Variants in LRRIQ1 observed in about 807,000 individuals in gnomAD.
The protein encoded by LRRIQ1 is leucine-rich repeat- and IQ domain-containing protein 1.
Under a neutral mutation model 211.9 loss-of-function variants are expected in LRRIQ1, and 210 were observed. The observed-to-expected ratio is 0.99, with a 90% CI of 0.89 to 1.11. The LOEUF (loss-of-function observed/expected upper bound fraction) is 1.11, where lower values mean the gene tolerates loss of function less well. Among genes scored for constraint, LRRIQ1 ranks in the 50% most tolerant of loss-of-function variants. The pLI, the probability that LRRIQ1 is intolerant of heterozygous loss-of-function variation, is 0.00. For synonymous variants in LRRIQ1, 699 were observed against 650.1 expected, an observed-to-expected ratio of 1.08 and a Z score of -1.14; for missense variants, 2,136 against 1,939.5, an observed-to-expected ratio of 1.10 and a Z score of -1.90.
chr12:85,161,163 A>G (rs1890852408), intron 24 of LRRIQ1, among the ~76,000 whole-genome samples: 1 of 152,088 alleles, frequency 6.6e-6, no homozygotes, highest in Non-Finnish European at 1.5e-5. Flanking sequence ...AGTTTGCCCA[A>G]CTCACTGTTG....
chr12:85,102,289 T>A (rs1037209006), intron 13 of LRRIQ1, among the ~76,000 whole-genome samples: 15 of 151,476 alleles, frequency 9.9e-5, no homozygotes, highest in African/African-American at 3.6e-4. Context: ...TTCCCTTGAC[T>A]TTTTTTTCCT....
chr12:85,060,247 C>T (rs952148095), intron 8 of LRRIQ1, among the ~76,000 whole-genome samples: 1 of 151,706 alleles, frequency 6.6e-6, no homozygotes, highest in Admixed American at 6.6e-5. Flanking sequence ...CTTAATAGCC[C>T]GTTTCATCAA....
intron 8 of LRRIQ1, among the ~76,000 whole-genome samples, chr12:85,061,224 A>G (rs1309323357): frequency 6.6e-6 from 1 of 151,772 alleles, no homozygotes; most frequent in South Asian, 2.1e-4. Flanking sequence ...ATGAACACAT[A>G]CGATTACTAA....
intron 24 of LRRIQ1, among the ~76,000 whole-genome samples, chr12:85,161,218 T>A (rs958672512): frequency 6.6e-6 from 1 of 152,112 alleles, no homozygotes; most frequent in Non-Finnish European, 1.5e-5. Context: ...TCTGATTATA[T>A]CTCTGATTTC....
At chr12:85,085,550 A>G (rs1450210744) in intron 11 of LRRIQ1, among the ~76,000 whole-genome samples, 3 of 152,190 alleles carry the variant, frequency 2.0e-5, no homozygotes, top group Non-Finnish European at 4.4e-5. Context: ...GATAGTGAGC[A>G]TAGTATCCAA....
At position 85,106,633 on chromosome 12, in the gene LRRIQ1, C is replaced by T. The variant is rs1886804902; in HGVS notation, c.3377+18C>T. On this transcript the variant is annotated intron_variant, in intron 15 of 26. Coordinates refer to ENST00000393217, the MANE Select transcript of LRRIQ1 (RefSeq NM_001079910.2). ...AACTGGAGGTAAAGAGGCATTGTTG[C>T]ACCCCATGTATATCCATTATTATAG... 6.6e-7 allele frequency: 1 copy of T among 1,511,112 alleles called. No individual in the cohort carries two copies. The highest frequency in any genetic ancestry group is 2.3e-5 in the East Asian group (1 of 44,184). 93.6% of individuals were successfully genotyped at this position (1,511,112 alleles called of 1,614,324 possible).
At chr12:85,208,098 G>C (rs1592972201) in intron 24 of LRRIQ1, among the ~76,000 whole-genome samples, 1 of 150,452 alleles carries the variant, frequency 6.6e-6, no homozygotes, top group Non-Finnish European at 1.5e-5. Context: ...GCTATTTTGA[G>C]GTATATATAT....
chr12:85,188,145 T>TA (rs150098648), intron 24 of LRRIQ1, among the ~76,000 whole-genome samples: 10,192 of 142,130 alleles, frequency 0.072, 1,061 homozygotes, highest in African/African-American at 0.23. Flanking sequence ...AAGCACTCAG[T>TA]AAAAAAAAAA....
chr12:85,065,159 C>A, intron 8 of LRRIQ1, 103 bp from the exon 9 acceptor site: 1 of 988,936 alleles, frequency 1.0e-6, no homozygotes, highest in Non-Finnish European at 1.4e-6. Context: ...TATAGTATTA[C>A]TTTTCTTAAA....
intron 1 of LRRIQ1, among the ~76,000 whole-genome samples, chr12:85,037,384 A>T (rs1291128835): frequency 6.6e-6 from 1 of 152,168 alleles, no homozygotes; most frequent in Non-Finnish European, 1.5e-5. Context: ...GGCATAAAAA[A>T]AAAATCTAGC....
At chr12:85,060,601 T>C (rs1049033285) in intron 8 of LRRIQ1, among the ~76,000 whole-genome samples, 3 of 151,946 alleles carry the variant, frequency 2.0e-5, no homozygotes, top group Non-Finnish European at 2.9e-5. Context: ...ATAGGTGACA[T>C]ACCTGAAATT....
At chr12:85,262,745 T>C (rs1230369263) in intron 1 of LRRIQ1, among the ~76,000 whole-genome samples, 2 of 152,150 alleles carry the variant, frequency 1.3e-5, no homozygotes, top group African/African-American at 2.4e-5. Context: ...ATCTTGATTA[T>C]ACAGTATTAC....
In LRRIQ1 at chr12:85,065,268, A is replaced by G; in HGVS notation, c.2398A>G (p.Thr800Ala). 1 of 1,607,408 alleles carries G rather than the reference A, an allele frequency of 6.2e-7. No homozygotes were observed. The highest frequency in any genetic ancestry group is 1.1e-5 in the South Asian group (1 of 90,462). The change falls in exon 9 of 27, where the codon ACA becomes GCA. Residue 800 changes from threonine to alanine, a missense_variant. By Grantham distance (58) the Thr-to-Ala change is moderately conservative. Transcript: ENST00000393217. ...ATTTTCTTGGTTCCTCTAGGTTACA[A>G]CAGTTACATTTCAAGATTTGCCAGG... is the stretch of plus-strand genomic sequence containing the variant. ...GPWDTLQQVT[T>A]VTFQDLPGCV...
intron 3 of LRRIQ1, among the ~76,000 whole-genome samples, chr12:85,042,184 C>T (rs909961408): frequency 6.6e-6 from 1 of 151,566 alleles, no homozygotes; most frequent in Non-Finnish European, 1.5e-5. Flanking sequence ...AACTGAGATA[C>T]AACTACAGTT....
intron 24 of LRRIQ1, among the ~76,000 whole-genome samples, chr12:85,179,638 C>T (rs761428691): frequency 6.6e-6 from 1 of 151,988 alleles, no homozygotes; most frequent in Non-Finnish European, 1.5e-5. Context: ...ATATCCCCAA[C>T]TATGATAAAC....
At chr12:85,164,733 G>T (rs78650988) in intron 24 of LRRIQ1, among the ~76,000 whole-genome samples, 4,238 of 152,128 alleles carry the variant, frequency 0.028, 192 homozygotes, top group African/African-American at 0.097. Flanking sequence ...CTTGACCAAG[G>T]TTTCTACATA....
At chr12:85,043,655 T>G (rs1466284004) in intron 3 of LRRIQ1, among the ~76,000 whole-genome samples, 1 of 29,532 alleles carries the variant, frequency 3.4e-5, no homozygotes, top group Admixed American at 3.3e-4. Flanking sequence ...GTTTCTATAG[T>G]AGATAGAGAC....
intron 16 of LRRIQ1, 84 bp downstream of exon 16, chr12:85,121,960 A>G: frequency 8.5e-7 from 1 of 1,183,210 alleles, no homozygotes; most frequent in Non-Finnish European, 1.1e-6. Context: ...TGATTAACAC[A>G]ATTATACTTT....
Position 85,105,561 on chromosome 12 carries a change from A to G in LRRIQ1, c.3284-961A>G, listed in dbSNP as rs889278522. 2.6e-5 allele frequency among the ~76,000 whole-genome samples: 4 copies of G among 151,152 alleles called. No homozygotes were observed. The East Asian group carries it at 7.8e-4, about 30-fold the overall frequency. On this transcript the variant is annotated intron_variant, in intron 14 of 26. Coordinates refer to ENST00000393217, the MANE Select transcript of LRRIQ1 (RefSeq NM_001079910.2). ...TCATAACTATGGCTTATGTTTTCCT[A>G]TTTCTTTGGATGTCTAGTAAATTTT...
Sources: allele counts gnomAD v4.1 joint callset (sites outside exome capture counted in the v4.1 genomes callset), GRCh38; gene constraint gnomAD v4.1.1; transcripts MANE v1.5; gene names NCBI Gene and HGNC (gene_info 2026-07-23, HGNC 2026-07-21).